The following CACNA2D4 variants were observed in gnomAD, a reference collection of about 807,000 sequenced individuals.
CACNA2D4 encodes voltage-dependent calcium channel subunit alpha-2/delta-4.
Under a neutral mutation model 163.8 loss-of-function variants are expected in CACNA2D4, and 157 were observed. The observed-to-expected ratio is 0.96, with a 90% CI of 0.84 to 1.09. The LOEUF (loss-of-function observed/expected upper bound fraction) is 1.09. Ranked by LOEUF, CACNA2D4 falls within the 50% of genes least tolerant of loss-of-function variation. CACNA2D4 has a pLI of 0.00. For synonymous variants in CACNA2D4, 598 were observed against 586.9 expected (o/e 1.02, Z -0.27); for missense variants, 1,410 against 1,479.9 (o/e 0.95, Z 0.78).
intron 29 of CACNA2D4, among the ~76,000 whole-genome samples, chr12:1,808,608 C>G (rs1863614963): frequency 6.6e-6 from 1 of 152,232 alleles, no homozygotes; most frequent in African/African-American, 2.4e-5. Context: ...TGGCCATCCT[C>G]TCCCTCTGTC....
intron 18 of CACNA2D4, among the ~76,000 whole-genome samples, chr12:1,871,297 GGT>G (rs1054343127): frequency 3.4e-5 from 5 of 147,534 alleles, no homozygotes; most frequent in Admixed American, 1.4e-4. Context: ...GTATGTTGCT[GGT>G]GTGTGTGTAT....
Position 1,798,399 on chromosome 12 carries a change from G to GCT in CACNA2D4, c.2996-865_2996-864insAG, listed in dbSNP as rs1376448750. Reference sequence around the variant, plus strand: ...GGCTCATGCAGAGTCCTACAGGAGAGCATGGGTCTCCCCAGCTTCCAAATC... The same window carrying GCT: ...GGCTCATGCAGAGTCCTACAGGAGAGCTCATGGGTCTCCCCAGCTTCCAAATC... On this transcript the variant is annotated intron_variant, in intron 34 of 37. Transcript: ENST00000382722. This position sits in a 1 kb window ranked among gnomAD's most constrained non-coding sequence, Gnocchi z 4.3. Among the ~76,000 whole-genome samples the GCT allele has an allele frequency of 6.6e-6, 1 of 152,142 alleles. No individual in the cohort carries two copies. Among genetic ancestry groups the GCT allele is most frequent in the Non-Finnish European group, 1.5e-5 (1 of 68,002 alleles).
chr12:1,830,039 G>C (rs551448108), intron 26 of CACNA2D4, among the ~76,000 whole-genome samples: 7 of 152,200 alleles, frequency 4.6e-5, no homozygotes, highest in Non-Finnish European at 1.0e-4. Flanking sequence ...TGCTCGCTAC[G>C]CAGAAGGGTC....
Position 1,878,536 on chromosome 12 carries a change from C to T in CACNA2D4, c.1645-147G>A. ...CAATAGGAACGTAACTGAGCCAGTGCCATGCTTCCATCATTGATTGAGGAG... is the reference window on the plus strand; with the variant it reads ...CAATAGGAACGTAACTGAGCCAGTGTCATGCTTCCATCATTGATTGAGGAG... On this transcript the variant is annotated intron_variant, in intron 15 of 37. Transcript: ENST00000382722. This position sits in a 1 kb window ranked among gnomAD's most constrained non-coding sequence, Gnocchi z 4.6. 7.0e-7 allele frequency: 1 copy of T among 1,423,702 alleles called. No individual in the cohort carries two copies. The highest frequency in any genetic ancestry group is 9.6e-7 in the Non-Finnish European group (1 of 1,044,364). The allele number at this position is 1,423,702 out of a possible 1,614,324, so 88.2% of individuals were successfully genotyped here. A position where few individuals can be genotyped will look rare whatever the true frequency, so the allele number is the denominator to read the frequency against.
In CACNA2D4 at chr12:1,918,440, G is replaced by A. The variant is rs972573273; in HGVS notation, c.34C>T (p.Pro12Ser). 4.4e-6 allele frequency: 7 copies of A among 1,580,616 alleles called. No individual in the cohort carries two copies. Among genetic ancestry groups the A allele is most frequent in the Non-Finnish European group, 6.0e-6 (7 of 1,163,764 alleles). Residue 12 changes from proline (P) to serine (S), a missense_variant, in exon 1 of 38, where the codon CCC becomes TCC. Transcript: ENST00000382722. ...VCGCSALLPL[P>S]NPRPTMPATP... is the part of the protein sequence containing the mutation. ...GCAGGCATGGTGGGCCTGGGGTTGGGGAGGGGAAGGAGGGCAGAGCAGCCA... is the reference window on the plus strand; with the variant it reads ...GCAGGCATGGTGGGCCTGGGGTTGGAGAGGGGAAGGAGGGCAGAGCAGCCA...
intron 1 of CACNA2D4, 64 bp from the exon 2 acceptor site, chr12:1,914,999 C>T (rs577906465): frequency 3.6e-5 from 43 of 1,208,844 alleles, no homozygotes; most frequent in South Asian, 1.7e-4. Context: ...GAAACACACG[C>T]GTAGACATAT....
intron 18 of CACNA2D4, among the ~76,000 whole-genome samples, chr12:1,868,375 G>T (rs1167185932): frequency 6.6e-6 from 1 of 152,076 alleles, no homozygotes; most frequent in African/African-American, 2.4e-5. Flanking sequence ...AATGCTGCGT[G>T]ATCTCACTTA....
intron 20 of CACNA2D4, among the ~76,000 whole-genome samples, chr12:1,857,974 A>G (rs1455596440): frequency 6.6e-6 from 1 of 152,162 alleles, no homozygotes; most frequent in Non-Finnish European, 1.5e-5. Flanking sequence ...GGGATCAGGG[A>G]GCAGAGACTG....
At chr12:1,882,247 G>A (rs1032457503) in intron 13 of CACNA2D4, among the ~76,000 whole-genome samples, 7 of 152,172 alleles carry the variant, frequency 4.6e-5, no homozygotes, top group Admixed American at 3.3e-4. Flanking sequence ...ACCCAAGGGG[G>A]ACATTCACTT....
intron 3 of CACNA2D4, among the ~76,000 whole-genome samples, chr12:1,911,395 G>T (rs1166798527): frequency 6.6e-6 from 1 of 152,002 alleles, no homozygotes; most frequent in Non-Finnish European, 1.5e-5. Context: ...AAGTGCTTTG[G>T]GAGTCAGAGG....
chr12:1,895,790 T>C (rs1866388723), intron 6 of CACNA2D4, among the ~76,000 whole-genome samples: 1 of 151,994 alleles, frequency 6.6e-6, no homozygotes, highest in Non-Finnish European at 1.5e-5. Flanking sequence ...TGCCACCACA[T>C]GGCACATGGT....
rs1216775266 is a variant in CACNA2D4 at position 1,869,653 on chromosome 12, T to C, written c.1878+4951A>G. ...ACCTACAATGACTTCAAGCTCACCATTGGATGCAGACACCAGCTTTCCATA... is the reference window on the plus strand; with the variant it reads ...ACCTACAATGACTTCAAGCTCACCACTGGATGCAGACACCAGCTTTCCATA... On this transcript the variant is annotated intron_variant, in intron 18 of 37. Transcript: ENST00000382722. This position sits in a 1 kb window ranked among gnomAD's most constrained non-coding sequence, Gnocchi z 4.7. Among the ~76,000 whole-genome samples the C allele has an allele frequency of 1.3e-5, 2 of 152,208 alleles. No individual in the cohort carries two copies. The highest frequency in any genetic ancestry group is 4.8e-5 in the African/African-American group (2 of 41,460).
rs559543987 is a variant in CACNA2D4, at chr12:1,884,429, C to T, written c.1273-108G>A. On this transcript the variant is annotated intron_variant, in intron 11 of 37. Coordinates refer to ENST00000382722, the MANE Select transcript of CACNA2D4 (RefSeq NM_172364.5). ...GTTGGCCCCAGTGCCTCTCAGTCTT[C>T]GGGTTCTCCAATTTCACCCCCTGAG... is the stretch of plus-strand genomic sequence containing the variant. 5.1e-3 allele frequency: 4,544 copies of T among 895,468 alleles called. 20 individuals carry two copies. Among genetic ancestry groups the T allele is most frequent in the Middle Eastern group, 6.2e-3 (29 of 4,688 alleles). The allele number at this position is 895,468 out of a possible 1,614,324, so 55.5% of individuals were successfully genotyped here.
intron 26 of CACNA2D4, among the ~76,000 whole-genome samples, chr12:1,817,381 G>A (rs1649061491): frequency 6.6e-6 from 1 of 152,072 alleles, no homozygotes; most frequent in African/African-American, 2.4e-5. Context: ...CAGTTGACAC[G>A]AAGGCACTGG....
chr12:1,901,550 C>T (rs1265291421), intron 6 of CACNA2D4, among the ~76,000 whole-genome samples: 1 of 151,908 alleles, frequency 6.6e-6, no homozygotes, highest in African/African-American at 2.4e-5. Flanking sequence ...TCATTAGAGG[C>T]TACTATGAGC....
rs758310447 is a variant in CACNA2D4 at position 1,885,051 on chromosome 12, A to G, written c.1094T>C (p.Leu365Ser). The change falls in exon 10 of 38, where the codon TTG (leucine) becomes TCG (serine). Residue 365 changes from leucine (L) to serine (S), a missense_variant. Coordinates refer to ENST00000382722, the MANE Select transcript of CACNA2D4 (RefSeq NM_172364.5). ...REHFKLLVEE[L>S]MVKGVGVVDQ... ...CACGACCCCCACACCTTTGACCATC[A>G]ACTCCTCCACCAGCAGTTTGAAATG... 3.1e-6 allele frequency: 5 copies of G among 1,613,932 alleles called. No homozygotes were observed. Among genetic ancestry groups the G allele is most frequent in the Middle Eastern group, 1.7e-4 (1 of 6,058 alleles).
At position 1,883,752 on chromosome 12, in the gene CACNA2D4, G is replaced by A. The variant is rs1351499230; in HGVS notation, c.1351+491C>T. 6.6e-6 allele frequency among the ~76,000 whole-genome samples: 1 copy of A among 152,166 alleles called. No individual in the cohort carries two copies. Among genetic ancestry groups the A allele is most frequent in the Non-Finnish European group, 1.5e-5 (1 of 68,032 alleles). On this transcript the variant is annotated intron_variant, in intron 12 of 37. Coordinates refer to ENST00000382722, the MANE Select transcript of CACNA2D4 (RefSeq NM_172364.5). This position sits in a 1 kb window ranked among gnomAD's most constrained non-coding sequence, Gnocchi z 4.5. ...CTCTCCACCATCAAAGCACATTTCA[G>A]GCTGCATCGTGGGTGGTGTTTTACT...
chr12:1,887,142 C>A, intron 6 of CACNA2D4, 73 bp from the exon 7 acceptor site: 1 of 1,020,820 alleles, frequency 9.8e-7, no homozygotes, highest in East Asian at 2.6e-5. Context: ...GGTGTGGACC[C>A]CCAAGATGGC....
chr12:1,834,249 T>C lies in CACNA2D4; in HGVS notation c.2551+6490A>G, dbSNP rs751599843. On this transcript the variant is annotated intron_variant, in intron 26 of 37. Transcript: ENST00000382722. This position sits in a 1 kb window ranked among gnomAD's most constrained non-coding sequence, Gnocchi z 7.6. The stretch of plus-strand genomic sequence containing the variant: ...TCTAGATGCCTGGTCAGCCCCTCTT[T>C]TTCTCTTCTGCATGTAGGGGGACGC... 195 of 1,532,190 alleles carry C rather than the reference T, an allele frequency of 1.3e-4. 1 individual carries two copies. In the South Asian group the frequency reaches 2.4e-3, roughly 19 times the overall value. 94.9% of individuals were successfully genotyped at this position (1,532,190 alleles called of 1,614,324 possible).
Sources: gnomAD v4.1 joint callset for allele counts (sites outside exome capture counted in the v4.1 genomes callset) on GRCh38, gnomAD v4.1.1 for gene constraint, Gnocchi (gnomAD v3.1) non-coding constraint, MANE v1.5 for transcripts, NCBI Gene and HGNC (gene_info 2026-07-23, HGNC 2026-07-21) for gene names.